The following DBN1 variants were observed in gnomAD, a reference collection of about 807,000 sequenced individuals.
DBN1 encodes the protein drebrin 1.
In DBN1, 21 loss-of-function variants were observed where a neutral mutation model predicts 83.5. The ratio of observed to expected loss-of-function variants is 0.25; its 90% CI spans 0.18 to 0.36. The LOEUF is 0.36. Among genes scored for constraint, DBN1 ranks in the 10% least tolerant of loss-of-function variants. The pLI is 1.00. For missense variants in DBN1, 874 were observed against 935.7 expected (o/e 0.93, Z 0.86); for synonymous variants, 381 against 384.9 (o/e 0.99, Z 0.12).
rs181426392 is a variant in DBN1 at position 177,457,676 on chromosome 5, C to G, written c.1996G>C (p.Val666Leu). 5.6e-6 allele frequency: 9 copies of G among 1,605,292 alleles called. No homozygotes were observed. In the Admixed American group the frequency reaches 6.7e-5, roughly 12 times the overall value. ...EELCAKAPPP[V>L]FYNKPPEIDI... Reference sequence around the variant, plus strand: ...CTACCTGGAGGCTTGTTGTAGAACACAGGAGGCGGAGCCTTGGCACAGAGC... The same window carrying G: ...CTACCTGGAGGCTTGTTGTAGAACAGAGGAGGCGGAGCCTTGGCACAGAGC... Residue 666 changes from valine to leucine, a missense_variant, in exon 14 of 15, where the codon GTG (valine) becomes CTG (leucine). Physicochemically the swap from Val to Leu is conservative, Grantham distance 32. Coordinates refer to ENST00000393565, the MANE Select transcript of DBN1 (RefSeq NM_001363541.2).
chr5:177,463,687 C>A (rs138919232), intron 8 of DBN1, among the ~76,000 whole-genome samples: 2 of 152,316 alleles, frequency 1.3e-5, no homozygotes, highest in East Asian at 3.9e-4. Flanking sequence ...GTGAACTATA[C>A]TTGAAGGGCC....
intron 10 of DBN1, 44 bp from the exon 11 acceptor site, chr5:177,459,784 G>GT (rs765354193): frequency 7.0e-7 from 1 of 1,420,806 alleles, no homozygotes; most frequent in Non-Finnish European, 9.3e-7. Flanking sequence ...GGACAAGAGA[G>GT]GGTCAGTCTC....
At chr5:177,461,731 C>T (rs529972279) in intron 8 of DBN1, among the ~76,000 whole-genome samples, 2 of 152,162 alleles carry the variant, frequency 1.3e-5, no homozygotes, top group Admixed American at 6.5e-5. Flanking sequence ...CTCACTGCTA[C>T]CTGCCTTATT....
rs1199362334 is a variant in DBN1 at position 177,467,291 on chromosome 5, C to T, written c.519G>A (p.Lys173=). The T allele has an allele frequency of 4.3e-6, 7 of 1,614,196 alleles. No individual in the cohort carries two copies. Among genetic ancestry groups the T allele is most frequent in the South Asian group, 1.1e-5 (1 of 91,086 alleles). ...YQKTDAAVEM[K]RINREQFWEQ... is the part of the protein sequence containing the mutation. ...CCCAGAACTGCTCTCGGTTAATCCG[C>T]TTCATTTCCACAGCTGCATCCGTCT... Residue 173 remains lysine (K), a synonymous_variant, in exon 6 of 15, where the codon AAG becomes AAA. Transcript: ENST00000393565. The surrounding 1 kb of genome is among the most constrained non-coding windows in gnomAD (Gnocchi z 9.1).
At position 177,458,229 on chromosome 5, in the gene DBN1, C is replaced by T. The variant is rs758422043; in HGVS notation, c.1743G>A (p.Glu581=). ...EGCATLLNFD[E]LPEPPATFCD... is the part of the protein sequence containing the mutation. ...AGAAGGTGGCTGGCGGCTCAGGCAG[C>T]TCATCAAAGTTGAGAAGGGTGGCAC... is the stretch of plus-strand genomic sequence containing the variant. Residue 581 remains glutamate, a synonymous_variant, in exon 13 of 15, where the codon GAG becomes GAA. Coordinates refer to ENST00000393565, the MANE Select transcript of DBN1 (RefSeq NM_001363541.2). 1 of 1,613,488 alleles carries T rather than the reference C, an allele frequency of 6.2e-7. No homozygotes were observed. The highest frequency in any genetic ancestry group is 1.1e-5 in the South Asian group (1 of 91,082).
In DBN1 at chr5:177,467,252, T is replaced by G; in HGVS notation, c.555+3A>C. On this transcript the variant is annotated splice_donor_region_variant and intron_variant, in intron 6 of 14. Transcript: ENST00000393565. The surrounding 1 kb of genome is among the most constrained non-coding windows in gnomAD (Gnocchi z 9.1). ...CAGCCAGGCCGGGCTCAGGGTTCCA[T>G]ACCTTGGCCTGCTCCCAGAACTGCT... 6.2e-7 allele frequency: 1 copy of G among 1,614,056 alleles called. No homozygotes were observed. Among genetic ancestry groups the G allele is most frequent in the East Asian group, 2.2e-5 (1 of 44,862 alleles).
At chr5:177,472,657 A>C in intron 1 of DBN1, 2 of 512,862 alleles carry the variant, frequency 3.9e-6, no homozygotes, top group Non-Finnish European at 5.4e-6. Flanking sequence ...CTCCCTCCAC[A>C]CTTGTTCTCC....
intron 8 of DBN1, among the ~76,000 whole-genome samples, chr5:177,461,540 C>T (rs182492246): frequency 6.6e-6 from 1 of 152,298 alleles, no homozygotes; most frequent in Admixed American, 6.5e-5. Context: ...TCTGACCTGC[C>T]AGGCCTCTGG....
chr5:177,467,679 C>T lies in DBN1; in HGVS notation c.331-52G>A. 6.4e-7 allele frequency: 1 copy of T among 1,556,592 alleles called. No individual in the cohort carries two copies. The highest frequency in any genetic ancestry group is 8.7e-7 in the Non-Finnish European group (1 of 1,150,140). ...GGCGGCACCATCCTCCCGCCATCCC[C>T]ACCCCAGCACGCAGACCCTGGTGGC... On this transcript the variant is annotated intron_variant, in intron 4 of 14. Coordinates refer to ENST00000393565, the MANE Select transcript of DBN1 (RefSeq NM_001363541.2). The surrounding 1 kb of genome is among the most constrained non-coding windows in gnomAD (Gnocchi z 9.1).
rs1395234087 is a variant in DBN1 at position 177,472,065 on chromosome 5, C to G, written c.86+1371G>C. The G allele has an allele frequency of 6.3e-6, 10 of 1,577,458 alleles. No individual in the cohort carries two copies. In the East Asian group the frequency reaches 2.3e-4, roughly 37 times the overall value. Reference sequence around the variant, plus strand: ...CAGCCCCCCTGGGGCAGGGCTGGGACAATGGGTGGGCCGCCTGCCTGCTGA... The same window carrying G: ...CAGCCCCCCTGGGGCAGGGCTGGGAGAATGGGTGGGCCGCCTGCCTGCTGA... On this transcript the variant is annotated intron_variant, in intron 1 of 14. Coordinates refer to ENST00000393565, the MANE Select transcript of DBN1 (RefSeq NM_001363541.2).
At chr5:177,468,256 T>C (rs1757609880) in intron 2 of DBN1, 36 bp from the exon 3 acceptor site, 2 of 1,570,628 alleles carry the variant, frequency 1.3e-6, no homozygotes, top group East Asian at 4.5e-5. Flanking sequence ...TCTCTCTGCC[T>C]CCTAAACCCT....
Position 177,458,314 on chromosome 5 carries a change from G to A in DBN1, c.1658C>T (p.Ala553Val). 1 of 1,613,414 alleles carries A rather than the reference G, an allele frequency of 6.2e-7. No individual in the cohort carries two copies. The highest frequency in any genetic ancestry group is 8.5e-7 in the Non-Finnish European group (1 of 1,179,510). The change falls in exon 13 of 15, where the codon GCA (alanine) becomes GTA (valine). Residue 553 changes from alanine (A) to valine (V), a missense_variant. Around this residue, in one of 4 missense-constraint regions of DBN1, gnomAD observed 725 missense variants for 719.7 expected, o/e 1.01. Coordinates refer to ENST00000393565, the MANE Select transcript of DBN1 (RefSeq NM_001363541.2). ...TPPSGTEVTLAEVPLLDEVAP... is the reference protein window; with the variant it reads ...TPPSGTEVTLVEVPLLDEVAP... ...CACCTCATCCAGCAGGGGCACCTCT[G>A]CCAGGGTGACCTCAGTACCCGAGGG... is the stretch of plus-strand genomic sequence containing the variant.
Position 177,458,325 on chromosome 5 carries a change from C to T in DBN1, c.1647G>A (p.Glu549=), listed in dbSNP as rs35328350. The T allele has an allele frequency of 2.4e-3, 3,872 of 1,613,328 alleles. 22 individuals carry two copies. The highest frequency in any genetic ancestry group is 7.3e-3 in the South Asian group (664 of 91,054). Residue 549 remains glutamate (E), a synonymous_variant, in exon 13 of 15, where the codon GAG becomes GAA. Coordinates refer to ENST00000393565, the MANE Select transcript of DBN1 (RefSeq NM_001363541.2). ...PRAPTPPSGT[E]VTLAEVPLLD... ...GCAGGGGCACCTCTGCCAGGGTGACCTCAGTACCCGAGGGTGGCGTGGGGG... is the reference window on the plus strand; with the variant it reads ...GCAGGGGCACCTCTGCCAGGGTGACTTCAGTACCCGAGGGTGGCGTGGGGG...
chr5:177,459,401 G>A, intron 11 of DBN1, 133 bp from the exon 12 acceptor site: 14 of 1,442,494 alleles, frequency 9.7e-6, no homozygotes, highest in South Asian at 4.1e-5. Context: ...GCCCCACCAG[G>A]GGCCAGACTA....
At chr5:177,473,260 C>A in intron 1 of DBN1, 176 bp downstream of exon 1, 1 of 299,106 alleles carries the variant, frequency 3.3e-6, no homozygotes. Context: ...CCCCGCCTGG[C>A]CCGCCGGCCC....
At chr5:177,472,207 C>T (rs758670897) in intron 1 of DBN1, 5 of 1,613,628 alleles carry the variant, frequency 3.1e-6, no homozygotes, top group Admixed American at 1.7e-5. Context: ...GGATGCCCAG[C>T]CATCTCATCC....
At position 177,457,081 on chromosome 5, in the gene DBN1, C is replaced by G. The variant is rs556109981; in HGVS notation, c.*352G>C. ...GACATTTTCCCACCAGAGCTCCCCCCACGCCAGGCCCCAAGCAGGGTGAGG... is the reference window on the plus strand; with the variant it reads ...GACATTTTCCCACCAGAGCTCCCCCGACGCCAGGCCCCAAGCAGGGTGAGG... On this transcript the variant is annotated 3_prime_UTR_variant, in exon 15 of 15. Transcript: ENST00000393565. 4.1e-5 allele frequency: 13 copies of G among 316,560 alleles called. No homozygotes were observed. In the East Asian group the frequency reaches 5.0e-4, roughly 12 times the overall value. The allele number at this position is 316,560 out of a possible 1,614,324, so 19.6% of individuals were successfully genotyped here. A position where few individuals can be genotyped will look rare whatever the true frequency, so the allele number is the denominator to read the frequency against.
chr5:177,456,698 AAAAC>A lies in DBN1; in HGVS notation c.*731_*734del, dbSNP rs1313566445. On this transcript the variant is annotated 3_prime_UTR_variant, in exon 15 of 15. Coordinates refer to ENST00000393565, the MANE Select transcript of DBN1 (RefSeq NM_001363541.2). ...CAAAAAAAAAAAAAAAAAAAAAAAAAAAACAGTTACTAAACGTGAAAAAGGAACC... is the reference window on the plus strand; with the variant it reads ...CAAAAAAAAAAAAAAAAAAAAAAAAAAGTTACTAAACGTGAAAAAGGAACC... The A allele has an allele frequency of 3.0e-5, 4 of 131,498 alleles. No homozygotes were observed. The highest frequency in any genetic ancestry group is 2.1e-4 in the East Asian group (1 of 4,676). The allele number at this position is 131,498 out of a possible 1,614,324, so 8.1% of individuals were successfully genotyped here.
In DBN1 at chr5:177,458,814, G is replaced by A. The variant is rs557920679; in HGVS notation, c.1265-107C>T. On this transcript the variant is annotated intron_variant, in intron 12 of 14. Transcript: ENST00000393565. ...GGGAGCCAGGGACTTCCATGCAGGT[G>A]TCCCACTGCCCCCTTACCCAGTGAC... is the stretch of plus-strand genomic sequence containing the variant. 1.0e-5 allele frequency: 12 copies of A among 1,187,476 alleles called. No individual in the cohort carries two copies. In the Admixed American group the frequency reaches 3.6e-4, roughly 35 times the overall value. The allele number at this position is 1,187,476 out of a possible 1,614,324, so 73.6% of individuals were successfully genotyped here.
Sources: gnomAD v4.1 joint callset for allele counts (sites outside exome capture counted in the v4.1 genomes callset) on GRCh38, gnomAD v4.1.1 for gene constraint, gnomAD v4.1.1 regional missense constraint, Gnocchi (gnomAD v3.1) non-coding constraint, MANE v1.5 for transcripts, NCBI Gene and HGNC (gene_info 2026-07-23, HGNC 2026-07-21) for gene names.